ZFP42: variants seen among roughly 807,000 people sequenced by gnomAD.
ZFP42 encodes ZFP42 zinc finger protein.
For missense variants in ZFP42, 438 were observed against 377.1 expected (o/e 1.16, Z -1.34); for synonymous variants, 175 against 144.6 (o/e 1.21, Z -1.51).
Position 188,002,906 on chromosome 4 carries a change from C to A in ZFP42, c.99C>A (p.Ser33Arg). 6.2e-7 allele frequency: 1 copy of A among 1,614,186 alleles called. No individual in the cohort carries two copies. The highest frequency in any genetic ancestry group is 8.5e-7 in the Non-Finnish European group (1 of 1,180,024). ...SGAKPRQGKS[S>R]QDLQAEIEPV... ...CTAAGCCCAGGCAAGGCAAGTCAAG[C>A]CAAGACCTGCAGGCGGAAATAGAAC... Residue 33 changes from serine to arginine, a missense_variant, in exon 4 of 4, where the codon AGC (serine) becomes AGA (arginine). Ser to Arg is a moderately radical substitution (Grantham distance 110, BLOSUM62 -1). Coordinates refer to ENST00000326866, the MANE Select transcript of ZFP42 (RefSeq NM_174900.5).
Position 188,003,668 on chromosome 4 carries a change from T to G in ZFP42, c.861T>G (p.Ile287Met). Residue 287 changes from isoleucine to methionine, a missense_variant, in exon 4 of 4, where the codon ATT (isoleucine) becomes ATG (methionine). By Grantham distance (10) the Ile-to-Met change is conservative. Transcript: ENST00000326866. Reference sequence around the variant, plus strand: ...TTCAAGGCTGCAACAGGAGGTTTATTCAGTCAAATAACCTGAAAGCCCACA... The same window carrying G: ...TTCAAGGCTGCAACAGGAGGTTTATGCAGTCAAATAACCTGAAAGCCCACA... ...CPFQGCNRRF[I>M]QSNNLKAHIL... The G allele has an allele frequency of 6.2e-7, 1 of 1,613,864 alleles. No homozygotes were observed. Among genetic ancestry groups the G allele is most frequent in the Non-Finnish European group, 8.5e-7 (1 of 1,180,038 alleles).
rs1733892970 is a variant in ZFP42, at chr4:188,002,973, T to C, written c.166T>C (p.Tyr56His). ...VWALCDGYVC[Y>H]EPGPQALGGD... ...GGCCTTATGTGATGGCTATGTGTGC[T>C]ATGAGCCTGGCCCTCAGGCTCTCGG... Residue 56 changes from tyrosine to histidine, a missense_variant, in exon 4 of 4, where the codon TAT becomes CAT. Tyr to His is a moderately conservative substitution (Grantham distance 83). Transcript: ENST00000326866. The C allele has an allele frequency of 5.6e-6, 9 of 1,614,040 alleles. No individual in the cohort carries two copies. The highest frequency in any genetic ancestry group is 7.6e-6 in the Non-Finnish European group (9 of 1,180,002).
In ZFP42 at chr4:188,003,326, AAAG is replaced by A. The variant is rs757731117; in HGVS notation, c.523_525del (p.Lys175del). ...CTAAACAGCTCGCAGAATTTGCTAG[AAAG>A]AAGCCCCCCATAAATAAAGAATATG... On this transcript the variant is annotated inframe_deletion, in exon 4 of 4. Coordinates refer to ENST00000326866, the MANE Select transcript of ZFP42 (RefSeq NM_174900.5). The A allele has an allele frequency of 1.2e-6, 2 of 1,614,096 alleles. No homozygotes were observed. Among genetic ancestry groups the A allele is most frequent in the Admixed American group, 3.3e-5 (2 of 59,990 alleles).
At position 188,003,178 on chromosome 4, in the gene ZFP42, A is replaced by G. The variant is rs548207105; in HGVS notation, c.371A>G (p.Lys124Arg). The part of the protein sequence containing the change: ...SSLECSLEYM[K>R]KGVKKELPQK... ...CTTGAATGTTCTTTGGAATACATGAAAAAAGGGGTAAAGAAAGAGCTTCCA... is the reference window on the plus strand; with the variant it reads ...CTTGAATGTTCTTTGGAATACATGAGAAAAGGGGTAAAGAAAGAGCTTCCA... Residue 124 changes from lysine to arginine, a missense_variant, in exon 4 of 4, where the codon AAA becomes AGA. Lys to Arg is a conservative substitution (Grantham distance 26). Transcript: ENST00000326866. 12 of 1,614,006 alleles carry G rather than the reference A, an allele frequency of 7.4e-6. No individual in the cohort carries two copies. The highest frequency in any genetic ancestry group is 5.0e-5 in the Admixed American group (3 of 59,978).
chr4:188,003,960 GT>G lies in ZFP42; in HGVS notation c.*224del. 2.1e-6 allele frequency: 1 copy of G among 476,798 alleles called. No homozygotes were observed. Among genetic ancestry groups the G allele is most frequent in the Non-Finnish European group, 3.8e-6 (1 of 265,026 alleles). 29.5% of individuals were successfully genotyped at this position (476,798 alleles called of 1,614,324 possible). ...GTTTTATTTAGAACTTTTTTTATTT[GT>G]TTTATTTAGAACTTTGTGTGTTCTT... On this transcript the variant is annotated 3_prime_UTR_variant, in exon 4 of 4. Transcript: ENST00000326866.
chr4:187,997,228 CTTTTTTTTTTTT>C (rs71595201), intron 1 of ZFP42, among the ~76,000 whole-genome samples: 2 of 60,030 alleles, frequency 3.3e-5, no homozygotes, highest in African/African-American at 7.8e-5. Flanking sequence ...CTCTCATATT[CTTTTTTTTTTTT>C]TTTTTTTTTT....
chr4:188,002,714 T>G lies in ZFP42; in HGVS notation c.-94T>G. On this transcript the variant is annotated splice_region_variant and 5_prime_UTR_variant, in exon 4 of 4. Coordinates refer to ENST00000326866, the MANE Select transcript of ZFP42 (RefSeq NM_174900.5). ...CTAAAGGTTATTATCATAAAGCAGGTGTTTGCTGAAGACAGCTTACTCAGA... is the reference window on the plus strand; with the variant it reads ...CTAAAGGTTATTATCATAAAGCAGGGGTTTGCTGAAGACAGCTTACTCAGA... 2.0e-6 allele frequency: 2 copies of G among 981,794 alleles called. No individual in the cohort carries two copies. Among genetic ancestry groups the G allele is most frequent in the South Asian group, 1.6e-5 (1 of 64,122 alleles). 60.8% of individuals were successfully genotyped at this position (981,794 alleles called of 1,614,324 possible). A position where few individuals can be genotyped will look rare whatever the true frequency, so the allele number is the denominator to read the frequency against.
At chr4:188,000,285 C>T (rs991681982) in intron 3 of ZFP42, among the ~76,000 whole-genome samples, 5 of 152,208 alleles carry the variant, frequency 3.3e-5, no homozygotes, top group African/African-American at 4.8e-5. Flanking sequence ...TTGGGGAGAG[C>T]AGCTCTGTGT....
chr4:188,000,016 T>G (rs1344934890), intron 3 of ZFP42, among the ~76,000 whole-genome samples: 1 of 152,188 alleles, frequency 6.6e-6, no homozygotes. Flanking sequence ...TCAATTAAAT[T>G]GCAGTTACAG....
intron 3 of ZFP42, among the ~76,000 whole-genome samples, chr4:188,002,203 C>T (rs974708573): frequency 2.2e-4 from 33 of 152,046 alleles, no homozygotes; most frequent in Admixed American, 2.0e-4. Context: ...AAAGAAAAGA[C>T]AGTATTTTGC....
intron 1 of ZFP42, among the ~76,000 whole-genome samples, chr4:187,997,493 G>C (rs938912495): frequency 6.6e-5 from 10 of 151,466 alleles, no homozygotes; most frequent in Non-Finnish European, 8.8e-5. Flanking sequence ...TCCCAAAGTG[G>C]TGGGATTACA....
At position 188,003,067 on chromosome 4, in the gene ZFP42, A is replaced by G; in HGVS notation, c.260A>G (p.Glu87Gly). The G allele has an allele frequency of 6.2e-7, 1 of 1,614,176 alleles. No individual in the cohort carries two copies. Among genetic ancestry groups the G allele is most frequent in the Non-Finnish European group, 8.5e-7 (1 of 1,180,028 alleles). ...GGTGAGTTTTCTCAACCCATCCTGG[A>G]AGAGGACTCACTTTTTGAGTCCTTG... ...IRGEFSQPIL[E>G]EDSLFESLEY... is the part of the protein sequence containing the mutation. The change falls in exon 4 of 4, where the codon GAA (glutamate) becomes GGA (glycine). Residue 87 changes from glutamate to glycine, a missense_variant. By Grantham distance (98) the Glu-to-Gly change is moderately conservative. Transcript: ENST00000326866.
Position 188,003,379 on chromosome 4 carries a change from C to A in ZFP42, c.572C>A (p.Pro191His). The stretch of plus-strand genomic sequence containing the variant: ...GACAGTCTGAGCGCAATCGCTTGTC[C>A]TCAGAGTGGATGCACTAGGAAGTTG... ...EYDSLSAIAC[P>H]QSGCTRKLRN... is the part of the protein sequence containing the mutation. Residue 191 changes from proline (P) to histidine (H), a missense_variant, in exon 4 of 4, where the codon CCT (proline) becomes CAT (histidine). Pro to His is a moderately conservative substitution (Grantham distance 77). Coordinates refer to ENST00000326866, the MANE Select transcript of ZFP42 (RefSeq NM_174900.5). 1 of 1,614,094 alleles carries A rather than the reference C, an allele frequency of 6.2e-7. No individual in the cohort carries two copies. The highest frequency in any genetic ancestry group is 2.2e-5 in the East Asian group (1 of 44,858).
At chr4:187,997,148 TC>T (rs1443073861) in intron 1 of ZFP42, among the ~76,000 whole-genome samples, 1 of 150,938 alleles carries the variant, frequency 6.6e-6, no homozygotes, top group Non-Finnish European at 1.5e-5. Flanking sequence ...CACATCTGGC[TC>T]CGATGGCCCC....
At chr4:188,000,865 C>T (rs149570375) in intron 3 of ZFP42, among the ~76,000 whole-genome samples, 2,073 of 150,324 alleles carry the variant, frequency 0.014, 56 homozygotes, top group African/African-American at 0.047. Context: ...GGCGGGGGGG[C>T]GCCTGCCTGT....
chr4:188,002,558 T>C (rs1733868924), intron 3 of ZFP42, 155 bp from the exon 4 acceptor site: 1 of 500,876 alleles, frequency 2.0e-6, no homozygotes, highest in Non-Finnish European at 3.6e-6. Context: ...AAGATCTGTT[T>C]ATGACTCATG....
chr4:188,003,340 T>C lies in ZFP42; in HGVS notation c.533T>C (p.Ile178Thr). ...GAATTTGCTAGAAAGAAGCCCCCCA[T>C]AAATAAAGAATATGACAGTCTGAGC... is the stretch of plus-strand genomic sequence containing the variant. ...LAEFARKKPP[I>T]NKEYDSLSAI... Residue 178 changes from isoleucine (I) to threonine (T), a missense_variant, in exon 4 of 4, where the codon ATA becomes ACA. Coordinates refer to ENST00000326866, the MANE Select transcript of ZFP42 (RefSeq NM_174900.5). The C allele has an allele frequency of 1.9e-6, 3 of 1,613,974 alleles. No individual in the cohort carries two copies. The South Asian group carries it at 3.3e-5, about 18-fold the overall frequency.
intron 1 of ZFP42, among the ~76,000 whole-genome samples, chr4:187,997,294 C>T (rs1385193024): frequency 4.0e-5 from 5 of 126,336 alleles, no homozygotes; most frequent in Non-Finnish European, 7.8e-5. Flanking sequence ...AGTGCAGTGG[C>T]ACGATCTCGG....
intron 3 of ZFP42, among the ~76,000 whole-genome samples, chr4:188,001,522 CAAT>C (rs1347815571): frequency 6.6e-6 from 1 of 152,148 alleles, no homozygotes; most frequent in Non-Finnish European, 1.5e-5. Flanking sequence ...TTTTTTAGAA[CAAT>C]GAGTGGGCAC....
Sources: allele counts gnomAD v4.1 joint callset (sites outside exome capture counted in the v4.1 genomes callset), GRCh38; gene constraint gnomAD v4.1.1; transcripts MANE v1.5; gene names NCBI Gene and HGNC (gene_info 2026-07-23, HGNC 2026-07-21).